LIMD1: variants seen among roughly 807,000 people sequenced by gnomAD.
LIMD1 encodes LIM domain-containing protein 1.
LIMD1 carries 23 observed loss-of-function variants against 58.4 expected under a neutral mutation model. The observed-to-expected ratio is 0.39, with a 90% CI of 0.28 to 0.56. The LOEUF (loss-of-function observed/expected upper bound fraction) is 0.56, where lower values mean the gene tolerates loss of function less well. Ranked by LOEUF, LIMD1 falls within the 20% of genes least tolerant of loss-of-function variation. LIMD1 has a pLI of 0.57. For missense variants in LIMD1, 838 were observed against 855.5 expected (o/e 0.98, Z 0.25); for synonymous variants, 334 against 345.5 (o/e 0.97, Z 0.37).
chr3:45,615,309 T>C (rs1352627242), intron 1 of LIMD1, among the ~76,000 whole-genome samples: 3 of 152,064 alleles, frequency 2.0e-5, no homozygotes, highest in African/African-American at 7.2e-5. Context: ...CATTGAAGAG[T>C]GTTTGTTTTC....
chr3:45,649,721 TAA>T (rs1297334378), intron 2 of LIMD1, among the ~76,000 whole-genome samples: 17 of 145,186 alleles, frequency 1.2e-4, no homozygotes, highest in African/African-American at 4.0e-4. Flanking sequence ...TATATATATA[TAA>T]AATTATATAG....
At position 45,617,894 on chromosome 3, in the gene LIMD1, C is replaced by T. The variant is rs541484078; in HGVS notation, c.1409-18256C>T. Among the ~76,000 whole-genome samples the T allele has an allele frequency of 2.0e-5, 3 of 152,334 alleles. No homozygotes were observed. The South Asian group carries it at 6.2e-4, about 32-fold the overall frequency. ...TCTACCAACAGTTTTCACTTTGCCT[C>T]TTTTCCTTCTCTGGTATAGCCTTCC... On this transcript the variant is annotated intron_variant, in intron 1 of 7. Transcript: ENST00000273317.
chr3:45,657,524 CAAAAA>C (rs71617901), intron 2 of LIMD1, among the ~76,000 whole-genome samples: 200 of 99,612 alleles, frequency 2.0e-3, no homozygotes, highest in African/African-American at 7.4e-3. Context: ...GACGCTGTCT[CAAAAA>C]AAAAAAAAAA....
intron 1 of LIMD1, among the ~76,000 whole-genome samples, chr3:45,618,236 A>G (rs1701593023): frequency 6.6e-6 from 1 of 152,202 alleles, no homozygotes; most frequent in South Asian, 2.1e-4. Flanking sequence ...TGTGAGAAGG[A>G]GAGAAGCTAA....
At chr3:45,668,459 T>C (rs1231233554) in intron 4 of LIMD1, 103 bp downstream of exon 4, 1 of 953,038 alleles carries the variant, frequency 1.0e-6, no homozygotes, top group East Asian at 2.7e-5. Context: ...TTATCTTGAT[T>C]TGTGGTTACA....
intron 1 of LIMD1, among the ~76,000 whole-genome samples, chr3:45,615,049 G>T (rs1281625662): frequency 6.6e-6 from 1 of 151,980 alleles, no homozygotes; most frequent in Non-Finnish European, 1.5e-5. Context: ...GGTCCTGGTG[G>T]GGTCTGAAAA....
intron 1 of LIMD1, among the ~76,000 whole-genome samples, chr3:45,619,537 G>A (rs1337998566): frequency 1.3e-5 from 2 of 152,092 alleles, no homozygotes; most frequent in South Asian, 2.1e-4. Flanking sequence ...GGTGGATCAC[G>A]CCTGTAATCC....
chr3:45,640,916 C>G (rs760760487), intron 2 of LIMD1, among the ~76,000 whole-genome samples: 5 of 152,236 alleles, frequency 3.3e-5, no homozygotes, highest in Non-Finnish European at 4.4e-5. Flanking sequence ...CACTTCCTGT[C>G]CAGTTCCAAA....
At chr3:45,616,362 T>C (rs1463345580) in intron 1 of LIMD1, among the ~76,000 whole-genome samples, 2 of 151,490 alleles carry the variant, frequency 1.3e-5, no homozygotes, top group Non-Finnish European at 2.9e-5. Context: ...TGTTAGAAGG[T>C]TTTTCTTCTC....
intron 6 of LIMD1, 148 bp downstream of exon 6, chr3:45,673,653 CTGTAATCCCACCCCT>C: frequency 1.5e-6 from 1 of 672,536 alleles, no homozygotes; most frequent in South Asian, 1.6e-5. Flanking sequence ...TGGCTCACGC[CTGTAATCCCACCCCT>C]TTTAGGAGGC....
intron 1 of LIMD1, among the ~76,000 whole-genome samples, chr3:45,600,572 G>A (rs748945652): frequency 6.6e-6 from 1 of 152,150 alleles, no homozygotes; most frequent in Non-Finnish European, 1.5e-5. Context: ...CTCTGTCCAT[G>A]TTGTTGGGTT....
chr3:45,649,507 C>T (rs1402219744), intron 2 of LIMD1, among the ~76,000 whole-genome samples: 1 of 151,132 alleles, frequency 6.6e-6, no homozygotes, highest in Non-Finnish European at 1.5e-5. Flanking sequence ...TGGTGAAACC[C>T]CGTCTCTACT....
chr3:45,627,189 A>G (rs1263955934), intron 1 of LIMD1, among the ~76,000 whole-genome samples: 1 of 152,092 alleles, frequency 6.6e-6, no homozygotes, highest in African/African-American at 2.4e-5. Flanking sequence ...AGAAGGAGCT[A>G]TGCTGCCATC....
Position 45,618,885 on chromosome 3 carries a change from T to G in LIMD1, c.1409-17265T>G, listed in dbSNP as rs550768265. On this transcript the variant is annotated intron_variant, in intron 1 of 7. Transcript: ENST00000273317. ...CCAGGACTGCAGGGTGGTCCTTAGG[T>G]TCAGCAAGAGTGGACCCGAATTCTG... is the stretch of plus-strand genomic sequence containing the variant. Among the ~76,000 whole-genome samples, 14 of 152,316 alleles carry G rather than the reference T, an allele frequency of 9.2e-5. No homozygotes were observed. In the East Asian group the frequency reaches 2.7e-3, roughly 29 times the overall value.
At chr3:45,621,715 A>G (rs945659111) in intron 1 of LIMD1, among the ~76,000 whole-genome samples, 4 of 151,948 alleles carry the variant, frequency 2.6e-5, no homozygotes, top group Non-Finnish European at 5.9e-5. Flanking sequence ...TCTTTCTTAA[A>G]CAACAGCATT....
rs1289819762 is a variant in LIMD1 at position 45,683,510 on chromosome 3, A to G, written c.*6451A>G. 6.6e-6 allele frequency: 1 copy of G among 152,082 alleles called. No homozygotes were observed. The highest frequency in any genetic ancestry group is 1.5e-5 in the Non-Finnish European group (1 of 68,002). 9.4% of individuals were successfully genotyped at this position (152,082 alleles called of 1,614,324 possible). ...GCCAAGTCTTCATTTGCCTAGGAGT[A>G]TAACTTTGTAACTTCAGCCTCTGAT... On this transcript the variant is annotated 3_prime_UTR_variant, in exon 8 of 8. Coordinates refer to ENST00000273317, the MANE Select transcript of LIMD1 (RefSeq NM_014240.3).
At chr3:45,598,280 G>A (rs757716222) in intron 1 of LIMD1, among the ~76,000 whole-genome samples, 1 of 152,172 alleles carries the variant, frequency 6.6e-6, no homozygotes, top group Non-Finnish European at 1.5e-5. Context: ...AAAGCACATG[G>A]CACCATCTTA....
intron 2 of LIMD1, among the ~76,000 whole-genome samples, chr3:45,649,538 G>A (rs1195322471): frequency 1.3e-5 from 2 of 150,858 alleles, no homozygotes; most frequent in African/African-American, 2.4e-5. Flanking sequence ...AAAATTAGCC[G>A]GGCATGGTGG....
intron 2 of LIMD1, among the ~76,000 whole-genome samples, chr3:45,642,227 G>A (rs968385693): frequency 2.0e-5 from 3 of 151,738 alleles, no homozygotes. Context: ...ACAAGCTGGA[G>A]TGCAATGGTG....
Sources: gnomAD v4.1 joint callset for allele counts (sites outside exome capture counted in the v4.1 genomes callset) on GRCh38, gnomAD v4.1.1 for gene constraint, MANE v1.5 for transcripts, NCBI Gene and HGNC (gene_info 2026-07-23, HGNC 2026-07-21) for gene names.